PHYH: variants seen among roughly 807,000 people sequenced by gnomAD.
PHYH encodes the protein phytanoyl-CoA dioxygenase, peroxisomal.
PHYH carries 32 observed loss-of-function variants against 38.5 expected under a neutral mutation model. The observed-to-expected ratio is 0.83, with a 90% CI of 0.63 to 1.12. The LOEUF (loss-of-function observed/expected upper bound fraction) is 1.12, where lower values mean the gene tolerates loss of function less well. Among genes scored for constraint, PHYH ranks in the 50% most tolerant of loss-of-function variants. The probability of loss-of-function intolerance (pLI) is 0.00; values close to 1 mark genes in which losing one functional copy is unlikely to be tolerated. For missense variants in PHYH, 426 were observed against 434.8 expected, an observed-to-expected ratio of 0.98 and a Z score of 0.18; for synonymous variants, 166 against 157.9, an observed-to-expected ratio of 1.05 and a Z score of -0.38.
At chr10:13,285,775 T>A (rs1293535776) in intron 6 of PHYH, among the ~76,000 whole-genome samples, 1 of 151,820 alleles carries the variant, frequency 6.6e-6, no homozygotes, top group Non-Finnish European at 1.5e-5. Context: ...AGGCTGATTT[T>A]GTATTTTTAG....
chr10:13,296,104 G>T (rs1448553046), intron 2 of PHYH, among the ~76,000 whole-genome samples: 1 of 150,974 alleles, frequency 6.6e-6, no homozygotes, highest in Admixed American at 6.6e-5. Flanking sequence ...GGAGGCGGAG[G>T]TTGCAGTGAG....
At position 13,283,835 on chromosome 10, in the gene PHYH, C is replaced by A. The variant is rs768919554; in HGVS notation, c.683G>T (p.Gly228Val). Residue 228 changes from glycine to valine, a missense_variant, in exon 7 of 9, where the codon GGA becomes GTA. Physicochemically the swap from Gly to Val is moderately radical, Grantham distance 109 (BLOSUM62 -3). Coordinates refer to ENST00000263038, the MANE Select transcript of PHYH (RefSeq NM_006214.4). ...KPHDYPKWEG[G>V]VNKMFHGIQD... Reference sequence around the variant, plus strand: ...GATCCCGTGGAACATTTTGTTAACTCCCCCCTAGAACAAGAGGCAAGTGAA... The same window carrying A: ...GATCCCGTGGAACATTTTGTTAACTACCCCCTAGAACAAGAGGCAAGTGAA... The A allele has an allele frequency of 5.0e-6, 8 of 1,612,922 alleles. No individual in the cohort carries two copies. Among genetic ancestry groups the A allele is most frequent in the Admixed American group, 3.3e-5 (2 of 59,970 alleles).
intron 4 of PHYH, among the ~76,000 whole-genome samples, chr10:13,293,294 T>TTTTTTG (rs1241271322): frequency 2.0e-5 from 3 of 152,120 alleles, no homozygotes; most frequent in Admixed American, 6.6e-5. Flanking sequence ...TTGTTTTTTG[T>TTTTTTG]TTTTTGTTTT....
At chr10:13,293,698 T>A (rs1835768281) in intron 4 of PHYH, among the ~76,000 whole-genome samples, 2 of 152,176 alleles carry the variant, frequency 1.3e-5, no homozygotes, top group South Asian at 4.1e-4. Flanking sequence ...ACACCTGGCC[T>A]CAAGTGATTC....
Position 13,294,439 on chromosome 10 carries a change from T to G in PHYH, c.403A>C (p.Thr135Pro). The change falls in exon 4 of 9, where the codon ACT becomes CCT. Residue 135 changes from threonine to proline, a missense_variant. Thr to Pro is a conservative substitution (Grantham distance 38). Coordinates refer to ENST00000263038, the MANE Select transcript of PHYH (RefSeq NM_006214.4). The part of the protein sequence containing the change: ...QEDKELFRYC[T>P]LPEILKYVEC... ...GGGTGGTCTCTGACCTCGGGGAGAG[T>G]GCAGTATCTGAAGAGCTCCTTATCT... The G allele has an allele frequency of 6.2e-7, 1 of 1,613,504 alleles. No homozygotes were observed. Among genetic ancestry groups the G allele is most frequent in the Non-Finnish European group, 8.5e-7 (1 of 1,179,864 alleles).
intron 8 of PHYH, among the ~76,000 whole-genome samples, chr10:13,279,267 G>A (rs1252297766): frequency 6.6e-6 from 1 of 152,124 alleles, no homozygotes; most frequent in Non-Finnish European, 1.5e-5. Context: ...CAAAGTGCTG[G>A]GATTACAGGA....
At chr10:13,289,479 G>A (rs531409820) in intron 5 of PHYH, among the ~76,000 whole-genome samples, 122 of 152,316 alleles carry the variant, frequency 8.0e-4, no homozygotes, top group Non-Finnish European at 1.2e-3. Flanking sequence ...CCAGGCGTGA[G>A]CCACCACGCC....
At chr10:13,286,858 G>C (rs902709676) in intron 6 of PHYH, among the ~76,000 whole-genome samples, 1 of 152,148 alleles carries the variant, frequency 6.6e-6, no homozygotes, top group African/African-American at 2.4e-5. Flanking sequence ...AAACTAACCT[G>C]CAGTAACAGA....
intron 2 of PHYH, among the ~76,000 whole-genome samples, chr10:13,296,098 G>A (rs1370331191): frequency 6.6e-6 from 1 of 151,284 alleles, no homozygotes; most frequent in African/African-American, 2.4e-5. Flanking sequence ...AACTTGGGAG[G>A]CGGAGGTTGC....
At position 13,288,490 on chromosome 10, in the gene PHYH, A is replaced by C; in HGVS notation, c.548T>G (p.Phe183Cys). The change falls in exon 6 of 9, where the codon TTC (phenylalanine) becomes TGC (cysteine). Residue 183 changes from phenylalanine to cysteine, a missense_variant. Physicochemically the swap from Phe to Cys is radical, Grantham distance 205. Transcript: ENST00000263038. ...PLHQDLHYFP[F>C]RPSDLIVCAW... ...GCAAACGATGAGATCGCTGGGCCTGAAGGGGAAATAGTGCAGGTCCTGGTG... is the reference window on the plus strand; with the variant it reads ...GCAAACGATGAGATCGCTGGGCCTGCAGGGGAAATAGTGCAGGTCCTGGTG... The C allele has an allele frequency of 6.2e-7, 1 of 1,614,194 alleles. No homozygotes were observed. The highest frequency in any genetic ancestry group is 1.3e-5 in the African/African-American group (1 of 75,060).
At position 13,298,292 on chromosome 10, in the gene PHYH, C is replaced by A. The variant is rs771787703; in HGVS notation, c.76-47G>T. The A allele has an allele frequency of 5.8e-6, 7 of 1,201,386 alleles. No individual in the cohort carries two copies. The East Asian group carries it at 1.7e-4, about 28-fold the overall frequency. 74.4% of individuals were successfully genotyped at this position (1,201,386 alleles called of 1,614,324 possible). On this transcript the variant is annotated intron_variant, in intron 1 of 8. Coordinates refer to ENST00000263038, the MANE Select transcript of PHYH (RefSeq NM_006214.4). ...ATAAAGTAAAATATAGAAGGCCAGGCACGGTGGCTCATGCCTGTAATTCCA... is the reference window on the plus strand; with the variant it reads ...ATAAAGTAAAATATAGAAGGCCAGGAACGGTGGCTCATGCCTGTAATTCCA...
At chr10:13,296,699 T>C (rs61851582) in intron 2 of PHYH, among the ~76,000 whole-genome samples, 17,583 of 151,968 alleles carry the variant, frequency 0.12, 1,140 homozygotes, top group South Asian at 0.27. Context: ...CAGTGGCTCA[T>C]GCCTGTAATC....
chr10:13,294,522 GA>G lies in PHYH; in HGVS notation c.319del (p.Ser107ArgfsTer11). On this transcript the variant is annotated frameshift_variant, in exon 4 of 9. Coordinates refer to ENST00000263038, the MANE Select transcript of PHYH (RefSeq NM_006214.4). LOFTEE classifies it high-confidence loss of function. ...GLTVMRDVTI[S>X]KSEYAPSEKM... ...CTCACTTGGAGCATATTCGGATTTC[GA>G]AATGGTCACATCTCTCATTACTGTT... 1 of 1,613,824 alleles carries G rather than the reference GA, an allele frequency of 6.2e-7. No homozygotes were observed. Among genetic ancestry groups the G allele is most frequent in the Non-Finnish European group, 8.5e-7 (1 of 1,179,722 alleles).
intron 6 of PHYH, among the ~76,000 whole-genome samples, chr10:13,286,804 A>T (rs916832065): frequency 2.6e-5 from 4 of 152,160 alleles, no homozygotes; most frequent in African/African-American, 9.7e-5. Context: ...GGACAAAAAA[A>T]TCTATACTAT....
rs1330401531 is a variant in PHYH, at chr10:13,280,993, T to A, written c.946A>T (p.Asn316Tyr). The A allele has an allele frequency of 6.2e-7, 1 of 1,614,018 alleles. No homozygotes were observed. The highest frequency in any genetic ancestry group is 1.3e-5 in the African/African-American group (1 of 74,940). The change falls in exon 8 of 9, where the codon AAT becomes TAT. Residue 316 changes from asparagine to tyrosine, a missense_variant. Transcript: ENST00000263038. ...AAACATACCTTCAAGTTCACGCTAT[T>A]TTCAGCTCCAAAGAATTTATGTGCT... ...GIAHKFFGAE[N>Y]SVNLKDIWMF...
chr10:13,280,551 T>TC (rs1428873677), intron 8 of PHYH, among the ~76,000 whole-genome samples: 2 of 152,144 alleles, frequency 1.3e-5, no homozygotes, highest in African/African-American at 4.8e-5. Context: ...TCACTGTGTT[T>TC]CTCAGGCTGG....
rs1448778830 is a variant in PHYH at position 13,288,460 on chromosome 10, C to T, written c.578G>A (p.Trp193Ter). 2 of 1,614,074 alleles carry T rather than the reference C, an allele frequency of 1.2e-6. No homozygotes were observed. The highest frequency in any genetic ancestry group is 1.7e-5 in the Admixed American group (1 of 60,006). ...CCGGCTGATGTGCTCCATCGCCGTC[C>T]AGGCGCAAACGATGAGATCGCTGGG... is the stretch of plus-strand genomic sequence containing the variant. ...FRPSDLIVCA[W>*]TAMEHISRNN... Residue 193 changes from tryptophan to a stop codon, truncating the protein, a stop_gained, in exon 6 of 9, where the codon TGG becomes TAG. Transcript: ENST00000263038. LOFTEE classifies it high-confidence loss of function.
At chr10:13,281,215 T>C (rs1835404138) in intron 7 of PHYH, 105 bp from the exon 8 acceptor site, 1 of 1,201,920 alleles carries the variant, frequency 8.3e-7, no homozygotes, top group Admixed American at 1.9e-5. Flanking sequence ...ACTCAGTATT[T>C]GATTTCTAAG....
At position 13,295,424 on chromosome 10, in the gene PHYH, G is replaced by A. The variant is rs1005302176; in HGVS notation, c.245+72C>T. 3.6e-5 allele frequency: 30 copies of A among 840,416 alleles called. 1 individual carries two copies. Among genetic ancestry groups the A allele is most frequent in the Admixed American group, 2.2e-4 (13 of 58,268 alleles). 52.1% of individuals were successfully genotyped at this position (840,416 alleles called of 1,614,324 possible). A position where few individuals can be genotyped will look rare whatever the true frequency, so the allele number is the denominator to read the frequency against. On this transcript the variant is annotated intron_variant, in intron 3 of 8. Transcript: ENST00000263038. ...AAAAAACATCTGTAAAGCCAGGAGC[G>A]AATCCACCTTGTATTCTCATTACAT...
Sources: gnomAD v4.1 joint callset for allele counts (sites outside exome capture counted in the v4.1 genomes callset) on GRCh38, gnomAD v4.1.1 for gene constraint, MANE v1.5 for transcripts, NCBI Gene and HGNC (gene_info 2026-07-23, HGNC 2026-07-21) for gene names.